TLK1: variants seen among roughly 807,000 people sequenced by gnomAD.
TLK1 encodes tousled like kinase 1, also known as serine/threonine-protein kinase tousled-like 1.
In TLK1, 24 loss-of-function variants were observed where a neutral mutation model predicts 105.3. That is an observed-to-expected ratio of 0.23 (90% CI 0.17 to 0.32). The LOEUF is 0.32. Ranked by LOEUF, TLK1 falls within the 10% of genes least tolerant of loss-of-function variation. The pLI is 1.00. For missense variants in TLK1, 558 were observed against 910.5 expected (o/e 0.61, Z 4.98); for synonymous variants, 321 against 310.4 (o/e 1.03, Z -0.36).
intron 1 of TLK1, among the ~76,000 whole-genome samples, chr2:171,144,718 T>C (rs947248826): frequency 6.6e-6 from 1 of 151,700 alleles, no homozygotes; most frequent in Non-Finnish European, 1.5e-5. Flanking sequence ...AAACAGAAAA[T>C]ATGGGAAAAC....
intron 1 of TLK1, among the ~76,000 whole-genome samples, chr2:171,152,285 TA>T (rs1389585012): frequency 2.0e-5 from 3 of 152,224 alleles, no homozygotes; most frequent in African/African-American, 7.2e-5. Flanking sequence ...ATGTAGAATA[TA>T]ATCACTTTTA....
chr2:171,076,917 A>AAAAGAAAGAAAG (rs138913886), intron 3 of TLK1, among the ~76,000 whole-genome samples: 1 of 151,810 alleles, frequency 6.6e-6, no homozygotes, highest in African/African-American at 2.4e-5. Context: ...TGTCTCAAAA[A>AAAAGAAAGAAAG]AAAGAAAGAA....
intron 1 of TLK1, among the ~76,000 whole-genome samples, chr2:171,190,072 A>G (rs12478336): frequency 0.086 from 13,083 of 152,262 alleles, 1,152 homozygotes; most frequent in East Asian, 0.29. Context: ...TCAAATTTGC[A>G]CAATTAAGAT....
At position 171,028,243 on chromosome 2, in the gene TLK1, T is replaced by C. The variant is rs146065415; in HGVS notation, c.1236+96A>G. ...ATTTTTAATTTGAAATCTTACTCTCTTAAATTTTGGCTTTTAAAATAAGTG... is the reference window on the plus strand; with the variant it reads ...ATTTTTAATTTGAAATCTTACTCTCCTAAATTTTGGCTTTTAAAATAAGTG... On this transcript the variant is annotated intron_variant, in intron 12 of 20. Coordinates refer to ENST00000431350, the MANE Select transcript of TLK1 (RefSeq NM_012290.5). 99 of 841,632 alleles carry C rather than the reference T, an allele frequency of 1.2e-4. No homozygotes were observed. In the African/African-American group the frequency reaches 1.6e-3, roughly 13 times the overall value. The allele number at this position is 841,632 out of a possible 1,614,324, so 52.1% of individuals were successfully genotyped here. A position where few individuals can be genotyped will look rare whatever the true frequency, so the allele number is the denominator to read the frequency against.
rs1687856674 is a variant in TLK1 at position 171,063,605 on chromosome 2, T to A, written c.331-2449A>T. ...TGTTATAATTCTGAAACAGTTGTATTGGAAACAGCATTTTCTAGCTAGAAA... is the reference window on the plus strand; with the variant it reads ...TGTTATAATTCTGAAACAGTTGTATAGGAAACAGCATTTTCTAGCTAGAAA... On this transcript the variant is annotated intron_variant, in intron 3 of 20. Coordinates refer to ENST00000431350, the MANE Select transcript of TLK1 (RefSeq NM_012290.5). Among the ~76,000 whole-genome samples, 3 of 152,182 alleles carry A rather than the reference T, an allele frequency of 2.0e-5. No individual in the cohort carries two copies. The South Asian group carries it at 6.2e-4, about 32-fold the overall frequency.
Position 171,206,242 on chromosome 2 carries a change from A to T in TLK1, c.-6+24903T>A, listed in dbSNP as rs76173398. Among the ~76,000 whole-genome samples, 1,680 of 152,364 alleles carry T rather than the reference A, an allele frequency of 0.011. 141 individuals carry two copies. In the East Asian group the frequency reaches 0.2, roughly 18 times the overall value. ...TTAGTTTTTGTTCTTTCCTAGAGGC[A>T]CATAAAATAATGAAGCAGCTGACAA... On this transcript the variant is annotated intron_variant, in intron 1 of 20. Coordinates refer to the TLK1 transcript ENST00000521943.
chr2:171,061,965 G>C (rs956376542), intron 3 of TLK1, among the ~76,000 whole-genome samples: 1 of 152,146 alleles, frequency 6.6e-6, no homozygotes, highest in African/African-American at 2.4e-5. Context: ...AACAGAGTTG[G>C]AATGGCCCAT....
chr2:170,996,659 T>C lies in TLK1; in HGVS notation c.2118A>G (p.Glu706=). Reference sequence around the variant, plus strand: ...ATTTACAAAAATTTAATACCTTGGCTTCACTGCTTACAACCGGTTTTACAG... The same window carrying C: ...ATTTACAAAAATTTAATACCTTGGCCTCACTGCTTACAACCGGTTTTACAG... ...QFPVKPVVSS[E]AKAFIRRCLA... is the part of the protein sequence containing the mutation. The change falls in exon 20 of 21, where the codon GAA becomes GAG. Residue 706 remains glutamate (E), a synonymous_variant. Transcript: ENST00000431350. 1 of 1,608,854 alleles carries C rather than the reference T, an allele frequency of 6.2e-7. No homozygotes were observed. The highest frequency in any genetic ancestry group is 8.5e-7 in the Non-Finnish European group (1 of 1,178,636).
chr2:171,067,028 T>C, intron 3 of TLK1: 3 of 1,479,824 alleles, frequency 2.0e-6, no homozygotes, highest in Non-Finnish European at 2.7e-6. Flanking sequence ...ACACTCACAA[T>C]GGAGTAACAT....
At position 171,037,925 on chromosome 2, in the gene TLK1, C is replaced by T. The variant is rs984724420; in HGVS notation, c.1169+8249G>A. On this transcript the variant is annotated intron_variant, in intron 11 of 20. Coordinates refer to ENST00000431350, the MANE Select transcript of TLK1 (RefSeq NM_012290.5). ...GTTCTTCAAAAAAGTTTGTAAAAGA[C>T]TGGCACTATTTCATCCTTAAATGGC... Among the ~76,000 whole-genome samples, 3 of 152,128 alleles carry T rather than the reference C, an allele frequency of 2.0e-5. 1 individual carries two copies. The highest frequency in any genetic ancestry group is 7.2e-5 in the African/African-American group (3 of 41,420).
intron 1 of TLK1, among the ~76,000 whole-genome samples, chr2:171,139,359 A>C (rs1161260505): frequency 6.6e-6 from 1 of 152,026 alleles, no homozygotes; most frequent in Non-Finnish European, 1.5e-5. Context: ...GCACTTTGGG[A>C]GGCAGGGGCG....
chr2:171,227,820 A>G (rs1419778763), intron 1 of TLK1, among the ~76,000 whole-genome samples: 1 of 152,048 alleles, frequency 6.6e-6, no homozygotes, highest in African/African-American at 2.4e-5. Flanking sequence ...TCAGAGAACA[A>G]TACCCTGGAG....
intron 1 of TLK1, among the ~76,000 whole-genome samples, chr2:171,177,604 A>G (rs915867515): frequency 5.3e-5 from 8 of 152,210 alleles, no homozygotes; most frequent in African/African-American, 1.9e-4. Context: ...CATCAAAGAT[A>G]TACTTTACCA....
intron 3 of TLK1, 108 bp from the exon 4 acceptor site, chr2:171,061,264 G>A: frequency 1.1e-6 from 1 of 880,104 alleles, no homozygotes; most frequent in Non-Finnish European, 1.8e-6. Flanking sequence ...ATTCAGTAGT[G>A]CTCAAGAGAT....
At chr2:171,192,645 A>C (rs1375075127) in intron 1 of TLK1, among the ~76,000 whole-genome samples, 2 of 152,136 alleles carry the variant, frequency 1.3e-5, no homozygotes, top group African/African-American at 2.4e-5. Context: ...ATGCCACTGC[A>C]CTCCAGCCTG....
intron 11 of TLK1, among the ~76,000 whole-genome samples, chr2:171,042,447 T>A (rs539517824): frequency 3.4e-4 from 51 of 152,146 alleles, no homozygotes; most frequent in Non-Finnish European, 5.0e-4. Flanking sequence ...AGGGTCTTGC[T>A]CTGTTGCCCA....
intron 1 of TLK1, among the ~76,000 whole-genome samples, chr2:171,196,401 G>A (rs1014228900): frequency 6.6e-6 from 1 of 152,180 alleles, no homozygotes; most frequent in African/African-American, 2.4e-5. Context: ...ACAGGCGTGA[G>A]CCACCACACC....
At chr2:171,061,283 A>G in intron 3 of TLK1, 127 bp from the exon 4 acceptor site, 3 of 677,760 alleles carry the variant, frequency 4.4e-6, no homozygotes, top group Non-Finnish European at 7.3e-6. Flanking sequence ...ATGTTAATAT[A>G]CTGTTATTTA....
At chr2:171,199,376 T>C (rs1693354891) in intron 1 of TLK1, among the ~76,000 whole-genome samples, 1 of 152,076 alleles carries the variant, frequency 6.6e-6, no homozygotes, top group African/African-American at 2.4e-5. Context: ...CTGGCTATGG[T>C]GGCATGCACC....
Sources: gnomAD v4.1 joint callset for allele counts (sites outside exome capture counted in the v4.1 genomes callset) on GRCh38, gnomAD v4.1.1 for gene constraint, MANE v1.5 for transcripts, NCBI Gene and HGNC (gene_info 2026-07-23, HGNC 2026-07-21) for gene names.